CALD1: variants seen among roughly 807,000 people sequenced by gnomAD.
The protein encoded by CALD1 is caldesmon 1.
Under a neutral mutation model 99.9 loss-of-function variants are expected in CALD1, and 33 were observed. The ratio of observed to expected loss-of-function variants is 0.33; its 90% CI spans 0.25 to 0.44. The LOEUF is 0.44. Among genes scored for constraint, CALD1 ranks in the 20% least tolerant of loss-of-function variants. The pLI, the probability that CALD1 is intolerant of heterozygous loss-of-function variation, is 1.00. For synonymous variants in CALD1, 310 were observed against 325.0 expected, an observed-to-expected ratio of 0.95 and a Z score of 0.50; for missense variants, 861 against 962.1, an observed-to-expected ratio of 0.89 and a Z score of 1.39.
chr7:134,808,389 T>A (rs990197504), intron 1 of CALD1, among the ~76,000 whole-genome samples: 1 of 152,192 alleles, frequency 6.6e-6, no homozygotes, highest in African/African-American at 2.4e-5. Flanking sequence ...ATTACAGGCA[T>A]GAGCCACCAC....
At chr7:134,931,307 T>C (rs1805504855) in intron 4 of CALD1, among the ~76,000 whole-genome samples, 1 of 152,242 alleles carries the variant, frequency 6.6e-6, no homozygotes, top group Non-Finnish European at 1.5e-5. Context: ...TTAATCTGGC[T>C]AGCACTTTGG....
chr7:134,751,549 C>T (rs1796685879), intron 1 of CALD1, among the ~76,000 whole-genome samples: 1 of 152,198 alleles, frequency 6.6e-6, no homozygotes, highest in Non-Finnish European at 1.5e-5. Flanking sequence ...CATCATTTAT[C>T]CCAGTACCTA....
chr7:134,761,937 G>C (rs1042572340), intron 1 of CALD1, among the ~76,000 whole-genome samples: 1 of 152,144 alleles, frequency 6.6e-6, no homozygotes, highest in South Asian at 2.1e-4. Context: ...TATTTAGCAG[G>C]AACGGACCTG....
At chr7:134,712,767 T>C in the CALD1 span, among the ~76,000 whole-genome samples, 3 of 152,150 alleles carry the variant, frequency 2.0e-5, no homozygotes, top group Admixed American at 1.3e-4. Flanking sequence ...CTGACCCATA[T>C]TGAAATAACA....
the CALD1 span, among the ~76,000 whole-genome samples, chr7:134,719,655 T>C: frequency 1.3e-5 from 2 of 152,170 alleles, no homozygotes; most frequent in South Asian, 4.1e-4. Flanking sequence ...GGCCCATCAA[T>C]GGCCATTGTC....
chr7:134,867,416 C>T (rs1029290993), intron 2 of CALD1, among the ~76,000 whole-genome samples: 1 of 152,084 alleles, frequency 6.6e-6, no homozygotes, highest in Non-Finnish European at 1.5e-5. Context: ...AGTGATTCTA[C>T]CAATATTTCA....
chr7:134,797,100 C>T (rs1044931226), intron 1 of CALD1, among the ~76,000 whole-genome samples: 2 of 152,076 alleles, frequency 1.3e-5, no homozygotes, highest in Non-Finnish European at 2.9e-5. Flanking sequence ...TCACAGCTCA[C>T]GGTAGCCTCA....
chr7:134,882,027 G>A (rs1801628699), intron 3 of CALD1, among the ~76,000 whole-genome samples: 1 of 152,158 alleles, frequency 6.6e-6, no homozygotes, highest in African/African-American at 2.4e-5. Flanking sequence ...ATGTTTATTT[G>A]TTCTCGTATC....
At position 134,933,083 on chromosome 7, in the gene CALD1, A is replaced by T. The variant is rs770000559; in HGVS notation, c.314A>T (p.Glu105Val). 6 of 1,613,924 alleles carry T rather than the reference A, an allele frequency of 3.7e-6. No homozygotes were observed. Among genetic ancestry groups the T allele is most frequent in the Non-Finnish European group, 5.1e-6 (6 of 1,179,996 alleles). The change falls in exon 5 of 15, where the codon GAA (glutamate) becomes GTA (valine). Residue 105 changes from glutamate (E) to valine (V), a missense_variant. Physicochemically the swap from Glu to Val is moderately radical, Grantham distance 121 (BLOSUM62 -2). Transcript: ENST00000361675. ...AFLERLARRE[E>V]RRQKRLQEAL... ...CTGGAGCGCCTGGCTCGGCGTGAGG[A>T]AAGACGCCAAAAACGCCTTCAGGAG... is the stretch of plus-strand genomic sequence containing the variant.
chr7:134,788,683 TG>T (rs1797402031), intron 1 of CALD1, among the ~76,000 whole-genome samples: 1 of 152,198 alleles, frequency 6.6e-6, no homozygotes, highest in South Asian at 2.1e-4. Flanking sequence ...TGCTGTGTCC[TG>T]CACATAGTAT....
intron 1 of CALD1, among the ~76,000 whole-genome samples, chr7:134,789,704 G>A (rs1160852915): frequency 6.6e-6 from 1 of 152,122 alleles, no homozygotes; most frequent in Admixed American, 6.5e-5. Flanking sequence ...CCTGTAGACA[G>A]ATTAAAAAGG....
At chr7:134,746,790 G>T (rs10262561) in intron 1 of CALD1, among the ~76,000 whole-genome samples, 4 of 152,136 alleles carry the variant, frequency 2.6e-5, no homozygotes, top group Admixed American at 2.6e-4. Flanking sequence ...GAGAGAAAAG[G>T]CAATTCTATT....
At chr7:134,838,327 A>G (rs900904932) in intron 1 of CALD1, among the ~76,000 whole-genome samples, 1 of 152,228 alleles carries the variant, frequency 6.6e-6, no homozygotes, top group African/African-American at 2.4e-5. Context: ...TTCAAGATAC[A>G]TAGGGAAAAT....
At chr7:134,824,313 A>G (rs1287413490) in intron 1 of CALD1, among the ~76,000 whole-genome samples, 1 of 152,238 alleles carries the variant, frequency 6.6e-6, no homozygotes, top group African/African-American at 2.4e-5. Flanking sequence ...CTGGTTTTCA[A>G]TCAAATCTTC....
At chr7:134,904,158 G>A (rs867067146) in intron 3 of CALD1, among the ~76,000 whole-genome samples, 1 of 152,052 alleles carries the variant, frequency 6.6e-6, no homozygotes, top group Non-Finnish European at 1.5e-5. Flanking sequence ...AGGAGGCAGA[G>A]GTTGCAGTGA....
intron 1 of CALD1, chr7:134,745,332 C>A (rs1210781263): frequency 6.6e-6 from 1 of 151,974 alleles, no homozygotes; most frequent in Non-Finnish European, 1.5e-5. Context: ...TTTTCTTTTT[C>A]TTCCTTTTCT....
intron 1 of CALD1, among the ~76,000 whole-genome samples, chr7:134,793,966 C>T (rs758725843): frequency 2.0e-5 from 3 of 152,186 alleles, no homozygotes; most frequent in Non-Finnish European, 4.4e-5. Flanking sequence ...TGTCTCACCA[C>T]TTCAATTCTT....
chr7:134,893,792 G>A (rs1395171409), intron 3 of CALD1, among the ~76,000 whole-genome samples: 3 of 152,152 alleles, frequency 2.0e-5, no homozygotes, highest in African/African-American at 7.2e-5. Context: ...ATTTTAGGAG[G>A]TTTACTTGCC....
intron 5 of CALD1, among the ~76,000 whole-genome samples, chr7:134,934,897 A>C (rs1484176363): frequency 6.6e-6 from 1 of 151,974 alleles, no homozygotes; most frequent in Non-Finnish European, 1.5e-5. Flanking sequence ...AAACAACAAC[A>C]ACAACAAAAA....
Sources: gnomAD v4.1 joint callset for allele counts (sites outside exome capture counted in the v4.1 genomes callset) on GRCh38, gnomAD v4.1.1 for gene constraint, MANE v1.5 for transcripts, NCBI Gene and HGNC (gene_info 2026-07-23, HGNC 2026-07-21) for gene names.